ADAMTSL3: variants seen among roughly 807,000 people sequenced by gnomAD.
The protein encoded by ADAMTSL3 is ADAMTS-like protein 3.
In ADAMTSL3, 128 loss-of-function variants were observed where a neutral mutation model predicts 201.7. That is an observed-to-expected ratio of 0.63 (90% confidence interval 0.55 to 0.73). The LOEUF (loss-of-function observed/expected upper bound fraction) is 0.73. ADAMTSL3 is among the 30% of genes least tolerant of loss of function. The probability of loss-of-function intolerance (pLI) is 0.00; values close to 1 mark genes in which losing one functional copy is unlikely to be tolerated. For synonymous variants in ADAMTSL3, 738 were observed against 748.4 expected (o/e 0.99, Z 0.23); for missense variants, 1,990 against 2,119.6 (o/e 0.94, Z 1.20).
intron 2 of ADAMTSL3, among the ~76,000 whole-genome samples, chr15:83,702,663 C>T (rs1312402276): frequency 6.6e-6 from 1 of 152,134 alleles, no homozygotes; most frequent in Non-Finnish European, 1.5e-5. Flanking sequence ...CAACAGAAGT[C>T]AAGAATTGAG....
chr15:83,784,597 C>A (rs191190443), intron 4 of ADAMTSL3, among the ~76,000 whole-genome samples: 38 of 152,226 alleles, frequency 2.5e-4, no homozygotes, highest in African/African-American at 9.1e-4. Context: ...TAAAATCTTT[C>A]CTCCTCTCTC....
chr15:83,826,138 C>T (rs992383232), intron 6 of ADAMTSL3, among the ~76,000 whole-genome samples: 1 of 151,938 alleles, frequency 6.6e-6, no homozygotes, highest in Admixed American at 6.6e-5. Flanking sequence ...CAGGGTCTTG[C>T]TTTGTTGTCC....
chr15:83,712,369 C>T (rs1825139950), intron 3 of ADAMTSL3, among the ~76,000 whole-genome samples: 1 of 152,236 alleles, frequency 6.6e-6, no homozygotes, highest in South Asian at 2.1e-4. Flanking sequence ...GCCAGGCTCA[C>T]TGCCTCTCTT....
At chr15:83,729,885 G>A (rs1596103062) in intron 3 of ADAMTSL3, among the ~76,000 whole-genome samples, 1 of 152,102 alleles carries the variant, frequency 6.6e-6, no homozygotes, top group Non-Finnish European at 1.5e-5. Flanking sequence ...GGGCTTGTTT[G>A]TACCCATCCT....
intron 5 of ADAMTSL3, among the ~76,000 whole-genome samples, chr15:83,807,053 A>T (rs1314988333): frequency 6.6e-6 from 1 of 152,234 alleles, no homozygotes; most frequent in African/African-American, 2.4e-5. Context: ...AAAAAATTTA[A>T]TGAAATCATT....
At chr15:83,818,693 A>G (rs1411635863) in intron 5 of ADAMTSL3, among the ~76,000 whole-genome samples, 1 of 152,198 alleles carries the variant, frequency 6.6e-6, no homozygotes, top group African/African-American at 2.4e-5. Flanking sequence ...TAGATTTTTG[A>G]TGAGTAAAGT....
chr15:83,910,001 G>A (rs2065903959), intron 15 of ADAMTSL3, among the ~76,000 whole-genome samples: 1 of 152,124 alleles, frequency 6.6e-6, no homozygotes, highest in South Asian at 2.1e-4. Flanking sequence ...AGTTTTCTTT[G>A]CAGCTTCTCT....
rs551947957 is a variant in ADAMTSL3, at chr15:83,676,167, G to A, written c.69+20337G>A. 7.3e-5 allele frequency among the ~76,000 whole-genome samples: 11 copies of A among 151,042 alleles called. No homozygotes were observed. In the South Asian group the frequency reaches 1.9e-3, roughly 26 times the overall value. The stretch of plus-strand genomic sequence containing the variant: ...TTCTCCCTCTGTTTTCCATTTTCTT[G>A]GGGGTAGGATTAGATTATTGATTTG... On this transcript the variant is annotated intron_variant, in intron 2 of 29. Transcript: ENST00000286744.
chr15:83,756,062 C>G (rs2062715021), intron 3 of ADAMTSL3, among the ~76,000 whole-genome samples: 1 of 152,160 alleles, frequency 6.6e-6, no homozygotes, highest in Non-Finnish European at 1.5e-5. Context: ...CATCTGGCCC[C>G]CTGCTTTCAA....
intron 20 of ADAMTSL3, among the ~76,000 whole-genome samples, chr15:83,974,446 T>C (rs1373728921): frequency 6.6e-6 from 1 of 152,212 alleles, no homozygotes; most frequent in African/African-American, 2.4e-5. Context: ...ATATTGATTA[T>C]TTTTAAGGTC....
At position 84,014,682 on chromosome 15, in the gene ADAMTSL3, G is replaced by C; in HGVS notation, c.4114G>C (p.Ala1372Pro). Residue 1372 changes from alanine to proline, a missense_variant, in exon 24 of 30, where the codon GCT becomes CCT. Ala to Pro is a conservative substitution (Grantham distance 27). Coordinates refer to ENST00000286744, the MANE Select transcript of ADAMTSL3 (RefSeq NM_207517.3). The stretch of plus-strand genomic sequence containing the variant: ...AACCTACGTCTGCATAGCCACCAAT[G>C]CTCTTGGAAAGGCAGTGGCAACATC... ...EGTYVCIATN[A>P]LGKAVATSVL... The C allele has an allele frequency of 6.2e-7, 1 of 1,610,210 alleles. No individual in the cohort carries two copies. Among genetic ancestry groups the C allele is most frequent in the Non-Finnish European group, 8.5e-7 (1 of 1,179,014 alleles).
At chr15:83,771,304 T>G (rs1242194794) in intron 3 of ADAMTSL3, among the ~76,000 whole-genome samples, 1 of 148,692 alleles carries the variant, frequency 6.7e-6, no homozygotes, top group Non-Finnish European at 1.5e-5. Context: ...ACTTGTAACA[T>G]GAGATCTACC....
intron 19 of ADAMTSL3, among the ~76,000 whole-genome samples, chr15:83,944,038 T>C (rs2066611528): frequency 6.6e-6 from 1 of 152,178 alleles, no homozygotes; most frequent in African/African-American, 2.4e-5. Flanking sequence ...GAATGATTCA[T>C]GTCCTGGGCA....
Position 83,654,742 on chromosome 15 carries a change from A to C in ADAMTSL3, c.-34+466A>C, listed in dbSNP as rs2061053005. ...CGGAGGCACTGGAGGAGCGACTTCG[A>C]GGCAGCGGGTAGTCGGAGGAGTGTG... On this transcript the variant is annotated intron_variant, in intron 1 of 29. Coordinates refer to ENST00000286744, the MANE Select transcript of ADAMTSL3 (RefSeq NM_207517.3). This position sits in a 1 kb window ranked among gnomAD's most constrained non-coding sequence, Gnocchi z 5.3. Among the ~76,000 whole-genome samples the C allele has an allele frequency of 6.6e-6, 1 of 152,080 alleles. No homozygotes were observed.
At chr15:83,773,792 T>G in intron 4 of ADAMTSL3, 142 bp downstream of exon 4, 1 of 1,214,512 alleles carries the variant, frequency 8.2e-7, no homozygotes, top group East Asian at 2.7e-5. Flanking sequence ...TTAGTCAACC[T>G]AGGTTAACAT....
At chr15:83,743,496 GGAGACAGAGCGAGACTCCGTCTCAAAAA>G (rs1387471769) in intron 3 of ADAMTSL3, among the ~76,000 whole-genome samples, 1 of 145,320 alleles carries the variant, frequency 6.9e-6, no homozygotes, top group African/African-American at 2.6e-5. Context: ...GTCCGGCCTG[GGAGACAGAGCGAGACTCCGTCTCAAAAA>G]AAAAAAAAAA....
chr15:83,782,973 A>G (rs1400886500), intron 4 of ADAMTSL3, among the ~76,000 whole-genome samples: 3 of 130,856 alleles, frequency 2.3e-5, no homozygotes, highest in Non-Finnish European at 5.4e-5. Context: ...TACATATATT[A>G]TATATATACA....
At chr15:84,037,035 C>T in intron 29 of ADAMTSL3, 48 bp downstream of exon 29, 1 of 1,573,590 alleles carries the variant, frequency 6.4e-7, no homozygotes, top group Non-Finnish European at 8.7e-7. Flanking sequence ...GCCTTGATGG[C>T]ATCAGATCCT....
chr15:83,814,974 G>A (rs1001872176), intron 5 of ADAMTSL3, among the ~76,000 whole-genome samples: 1 of 152,170 alleles, frequency 6.6e-6, no homozygotes, highest in Non-Finnish European at 1.5e-5. Flanking sequence ...GGTTTTAGGA[G>A]GGGAAGGAGA....
Sources: gnomAD v4.1 joint callset for allele counts (sites outside exome capture counted in the v4.1 genomes callset) on GRCh38, gnomAD v4.1.1 for gene constraint, Gnocchi (gnomAD v3.1) non-coding constraint, MANE v1.5 for transcripts, NCBI Gene and HGNC (gene_info 2026-07-23, HGNC 2026-07-21) for gene names.